MLLT1: variants seen among roughly 807,000 people sequenced by gnomAD.
MLLT1 encodes the protein protein ENL.
Under a neutral mutation model 55.1 loss-of-function variants are expected in MLLT1, and 11 were observed. The observed-to-expected ratio is 0.20, with a 90% confidence interval of 0.13 to 0.33. The LOEUF is 0.33. Ranked by LOEUF, MLLT1 falls within the 10% of genes least tolerant of loss-of-function variation. The pLI is 1.00. For missense variants in MLLT1, 536 were observed against 760.6 expected, an observed-to-expected ratio of 0.70 and a Z score of 3.47; for synonymous variants, 323 against 320.1, an observed-to-expected ratio of 1.01 and a Z score of -0.10.
At chr19:6,232,604 A>G (rs1366633614) in intron 3 of MLLT1, among the ~76,000 whole-genome samples, 3 of 152,236 alleles carry the variant, frequency 2.0e-5, no homozygotes, top group Admixed American at 6.5e-5. Flanking sequence ...AAACATTTCA[A>G]AATTTTGGCC....
intron 3 of MLLT1, among the ~76,000 whole-genome samples, chr19:6,238,343 T>C (rs2091082428): frequency 6.6e-6 from 1 of 152,236 alleles, no homozygotes; most frequent in South Asian, 2.1e-4. Flanking sequence ...ATATTGTGGT[T>C]AGGGTTTTTG....
At chr19:6,241,506 C>A (rs1765009519) in intron 3 of MLLT1, among the ~76,000 whole-genome samples, 1 of 152,362 alleles carries the variant, frequency 6.6e-6, no homozygotes, top group Non-Finnish European at 1.5e-5. Context: ...TGGGCGCTTT[C>A]AATGCCCAGC....
chr19:6,230,268 C>T lies in MLLT1; in HGVS notation c.420+302G>A, dbSNP rs890981684. Among the ~76,000 whole-genome samples, 5 of 152,206 alleles carry T rather than the reference C, an allele frequency of 3.3e-5. No homozygotes were observed. Among genetic ancestry groups the T allele is most frequent in the African/African-American group, 1.2e-4 (5 of 41,446 alleles). ...AGCTAGTTACAAGCCAGCTCCAGGCCCAGCCACGCGGTCAGACCAGCCTCG... is the reference window on the plus strand; with the variant it reads ...AGCTAGTTACAAGCCAGCTCCAGGCTCAGCCACGCGGTCAGACCAGCCTCG... On this transcript the variant is annotated intron_variant, in intron 4 of 11. Coordinates refer to ENST00000252674, the MANE Select transcript of MLLT1 (RefSeq NM_005934.4). The surrounding 1 kb of genome is among the most constrained non-coding windows in gnomAD (Gnocchi z 9.0).
At chr19:6,258,776 G>A (rs1410962151) in intron 3 of MLLT1, among the ~76,000 whole-genome samples, 1 of 152,172 alleles carries the variant, frequency 6.6e-6, no homozygotes, top group African/African-American at 2.4e-5. Context: ...AGCCACACTC[G>A]CCGGCGAAGC....
At position 6,216,291 on chromosome 19, in the gene MLLT1, C is replaced by T. The variant is rs1431094887; in HGVS notation, c.1307+114G>A. ...CTGGGGATGGATCCCTGCTTTGGCC[C>T]TCCCAGGGGACCCTCCAGTCCCAAC... On this transcript the variant is annotated intron_variant, in intron 8 of 11. Coordinates refer to ENST00000252674, the MANE Select transcript of MLLT1 (RefSeq NM_005934.4). The T allele has an allele frequency of 3.9e-6, 3 of 770,534 alleles. No homozygotes were observed. In the African/African-American group the frequency reaches 5.2e-5, roughly 13 times the overall value. The allele number at this position is 770,534 out of a possible 1,614,324, so 47.7% of individuals were successfully genotyped here.
intron 1 of MLLT1, among the ~76,000 whole-genome samples, chr19:6,276,531 G>A (rs1173605324): frequency 1.3e-5 from 2 of 152,136 alleles, no homozygotes; most frequent in South Asian, 2.1e-4. Flanking sequence ...TTTGAAGAAC[G>A]TGACCGCCCA....
In MLLT1 at chr19:6,239,183, C is replaced by T. The variant is rs148083728; in HGVS notation, c.277-8470G>A. On this transcript the variant is annotated intron_variant, in intron 3 of 11. Transcript: ENST00000252674. ...CTAGGCTCTCGCGTTCACCGGTCCA[C>T]GGCATACTGGAATGGGGCTGACACA... Among the ~76,000 whole-genome samples the T allele has an allele frequency of 4.2e-3, 641 of 152,348 alleles. 3 individuals are homozygous for T. Among genetic ancestry groups the T allele is most frequent in the African/African-American group, 0.013 (555 of 41,574 alleles).
chr19:6,217,485 G>A (rs904437737), intron 7 of MLLT1, among the ~76,000 whole-genome samples: 5 of 152,284 alleles, frequency 3.3e-5, no homozygotes, highest in African/African-American at 1.2e-4. Flanking sequence ...TCCCCAAAAA[G>A]CCGCCCCTAC....
chr19:6,255,768 C>G (rs1466013744), intron 3 of MLLT1, among the ~76,000 whole-genome samples: 1 of 152,118 alleles, frequency 6.6e-6, no homozygotes, highest in Non-Finnish European at 1.5e-5. Flanking sequence ...ACAGAATAAC[C>G]AAACTCATAT....
chr19:6,251,908 T>C (rs1338622251), intron 3 of MLLT1, among the ~76,000 whole-genome samples: 2 of 152,064 alleles, frequency 1.3e-5, no homozygotes, highest in Non-Finnish European at 2.9e-5. Flanking sequence ...TGAGCTGAGA[T>C]TGTACCACTG....
In MLLT1 at chr19:6,214,033, C is replaced by T; in HGVS notation, c.1313G>A (p.Ser438Asn). 6.9e-6 allele frequency: 10 copies of T among 1,445,908 alleles called. No homozygotes were observed. The highest frequency in any genetic ancestry group is 8.2e-6 in the Non-Finnish European group (9 of 1,101,164). 89.6% of individuals were successfully genotyped at this position (1,445,908 alleles called of 1,614,324 possible). Reference protein sequence around the residue: ...KTNPGRDSRLSFSDSESDNSA... With the variant: ...KTNPGRDSRLNFSDSESDNSA... The stretch of plus-strand genomic sequence containing the variant: ...GTTGTCACTCTCGCTGTCGCTGAAG[C>T]TCAACCTGAACCGACACACGGGGGC... Residue 438 changes from serine (S) to asparagine (N), a missense_variant, in exon 9 of 12, where the codon AGC becomes AAC. Transcript: ENST00000252674.
At chr19:6,244,388 C>A (rs1352449076) in intron 3 of MLLT1, among the ~76,000 whole-genome samples, 1 of 151,534 alleles carries the variant, frequency 6.6e-6, no homozygotes, top group South Asian at 2.1e-4. Flanking sequence ...CCCTCATTTG[C>A]GAAGAATAAA....
In MLLT1 at chr19:6,212,451, C is replaced by T; in HGVS notation, c.*591G>A. The T allele has an allele frequency of 9.4e-7, 1 of 1,066,392 alleles. No individual in the cohort carries two copies. The allele number at this position is 1,066,392 out of a possible 1,614,324, so 66.1% of individuals were successfully genotyped here. On this transcript the variant is annotated 3_prime_UTR_variant, in exon 12 of 12. Transcript: ENST00000252674. Reference sequence around the variant, plus strand: ...CGTGCACTGCTGCCACAGAAACGCACATGGACACTGCTCTTGACCAGACAG... The same window carrying T: ...CGTGCACTGCTGCCACAGAAACGCATATGGACACTGCTCTTGACCAGACAG...
intron 3 of MLLT1, among the ~76,000 whole-genome samples, chr19:6,247,333 G>A (rs142240784): frequency 3.7e-4 from 57 of 152,258 alleles, no homozygotes; most frequent in African/African-American, 1.2e-3. Flanking sequence ...TGGGAGCAGC[G>A]GAAGATTCTA....
rs1253514026 is a variant in MLLT1 at position 6,229,254 on chromosome 19, C to A, written c.420+1316G>T. ...CATCCTCAGGCCACCCAGCACTCAGCCACGCCATCCACATAGGCCCACGCC... is the reference window on the plus strand; with the variant it reads ...CATCCTCAGGCCACCCAGCACTCAGACACGCCATCCACATAGGCCCACGCC... On this transcript the variant is annotated intron_variant, in intron 4 of 11. Coordinates refer to ENST00000252674, the MANE Select transcript of MLLT1 (RefSeq NM_005934.4). The surrounding 1 kb of genome is among the most constrained non-coding windows in gnomAD (Gnocchi z 5.2). Among the ~76,000 whole-genome samples, 2 of 152,184 alleles carry A rather than the reference C, an allele frequency of 1.3e-5. No homozygotes were observed. The highest frequency in any genetic ancestry group is 2.9e-5 in the Non-Finnish European group (2 of 68,028).
At chr19:6,261,940 A>G (rs2091309364) in intron 3 of MLLT1, among the ~76,000 whole-genome samples, 1 of 152,060 alleles carries the variant, frequency 6.6e-6, no homozygotes, top group African/African-American at 2.4e-5. Context: ...CTGACAGGGG[A>G]TGTCACTGCT....
chr19:6,254,130 CT>C (rs1352641989), intron 3 of MLLT1, among the ~76,000 whole-genome samples: 2 of 152,178 alleles, frequency 1.3e-5, no homozygotes, highest in Non-Finnish European at 2.9e-5. Flanking sequence ...GCCCCACCCC[CT>C]GACCTCTTAG....
intron 1 of MLLT1, among the ~76,000 whole-genome samples, chr19:6,279,525 T>C (rs1415574794): frequency 4.6e-5 from 7 of 150,960 alleles, no homozygotes; most frequent in African/African-American, 1.7e-4. Flanking sequence ...GGCTGGGGGG[T>C]CACCAGGGGC....
intron 8 of MLLT1, 110 bp from the exon 9 acceptor site, chr19:6,214,148 C>G (rs909319772): frequency 5.7e-6 from 3 of 529,500 alleles, no homozygotes; most frequent in Admixed American, 3.9e-5. Context: ...AGCCCACACA[C>G]CCCCAACAGC....
Sources: gnomAD v4.1 joint callset for allele counts (sites outside exome capture counted in the v4.1 genomes callset) on GRCh38, gnomAD v4.1.1 for gene constraint, Gnocchi (gnomAD v3.1) non-coding constraint, MANE v1.5 for transcripts, NCBI Gene and HGNC (gene_info 2026-07-23, HGNC 2026-07-21) for gene names.